Variants in MAP4K4 observed in about 807,000 individuals in gnomAD.
MAP4K4 encodes mitogen-activated protein kinase kinase kinase kinase 4.
MAP4K4 carries 38 observed loss-of-function variants against 189.6 expected under a neutral mutation model. That is an observed-to-expected ratio of 0.20 (90% CI 0.15 to 0.26). The LOEUF (loss-of-function observed/expected upper bound fraction) is 0.26, where lower values mean the gene tolerates loss of function less well. Among genes scored for constraint, MAP4K4 ranks in the 10% least tolerant of loss-of-function variants. The probability of loss-of-function intolerance (pLI) is 1.00; values close to 1 mark genes in which losing one functional copy is unlikely to be tolerated. For missense variants in MAP4K4, 1,054 were observed against 1,726.9 expected (o/e 0.61, Z 6.91); for synonymous variants, 610 against 624.3 (o/e 0.98, Z 0.34).
chr2:101,833,947 C>G (rs1428669493), intron 7 of MAP4K4, among the ~76,000 whole-genome samples: 1 of 152,048 alleles, frequency 6.6e-6, no homozygotes, highest in Non-Finnish European at 1.5e-5. Flanking sequence ...GGTTTCTGGC[C>G]TTTAAACTTT....
exon 6 of MAP4K4, chr2:101,829,525 C>T: frequency 6.2e-7 from 1 of 1,610,112 alleles, no homozygotes; most frequent in Non-Finnish European, 8.5e-7. Flanking sequence ...TCTTCACATT[C>T]ATCATGTGAT....
intron 2 of MAP4K4, among the ~76,000 whole-genome samples, chr2:101,788,792 G>A (rs1407109437): frequency 6.6e-6 from 1 of 152,018 alleles, no homozygotes; most frequent in Non-Finnish European, 1.5e-5. Context: ...CACACTTGTG[G>A]TCTTGAGTTC....
At chr2:101,818,400 C>T (rs1233296118) in intron 3 of MAP4K4, among the ~76,000 whole-genome samples, 5 of 152,122 alleles carry the variant, frequency 3.3e-5, no homozygotes, top group Admixed American at 3.3e-4. Flanking sequence ...CGCCGAGTCT[C>T]CATTTAATTC....
chr2:101,835,224 TCA>T (rs1418439688), intron 8 of MAP4K4, among the ~76,000 whole-genome samples: 2 of 152,194 alleles, frequency 1.3e-5, no homozygotes, highest in East Asian at 1.9e-4. Flanking sequence ...ATCCTTTCTC[TCA>T]GTTTTTGTTC....
At chr2:101,740,988 T>G (rs184124801) in intron 2 of MAP4K4, among the ~76,000 whole-genome samples, 1 of 152,108 alleles carries the variant, frequency 6.6e-6, no homozygotes, top group Non-Finnish European at 1.5e-5. Flanking sequence ...CTACAAATGA[T>G]GAGACTGAGG....
chr2:101,741,352 TA>T (rs1466585186), intron 2 of MAP4K4, among the ~76,000 whole-genome samples: 1 of 151,936 alleles, frequency 6.6e-6, no homozygotes, highest in African/African-American at 2.4e-5. Context: ...GTATTTTTAG[TA>T]GAGACGGGGT....
At position 101,713,731 on chromosome 2, in the gene MAP4K4, C is replaced by G. The variant is rs1055816232; in HGVS notation, c.123+15193C>G. Reference sequence around the variant, plus strand: ...CCAGCATGGCGAAACCCCGTCTCTACTAAAAATACAAAAATTAGATGGGCA... The same window carrying G: ...CCAGCATGGCGAAACCCCGTCTCTAGTAAAAATACAAAAATTAGATGGGCA... On this transcript the variant is annotated intron_variant, in intron 2 of 32. Coordinates refer to ENST00000324219, the Ensembl canonical transcript of MAP4K4. Among the ~76,000 whole-genome samples the G allele has an allele frequency of 2.9e-4, 43 of 149,734 alleles. 1 individual carries two copies. Among genetic ancestry groups the G allele is most frequent in the Non-Finnish European group, 1.0e-4 (7 of 67,686 alleles).
At chr2:101,804,650 C>T (rs2149039073) in intron 3 of MAP4K4, among the ~76,000 whole-genome samples, 1 of 152,196 alleles carries the variant, frequency 6.6e-6, no homozygotes, top group South Asian at 2.1e-4. Flanking sequence ...CCTTAACATA[C>T]CTGTGCTGTA....
At chr2:101,718,627 G>A (rs2049948740) in intron 2 of MAP4K4, among the ~76,000 whole-genome samples, 1 of 148,832 alleles carries the variant, frequency 6.7e-6, no homozygotes, top group African/African-American at 2.5e-5. Flanking sequence ...GTGGTGGGGT[G>A]GATGGGTTAA....
chr2:101,879,244 C>A (rs531259141), intron 27 of MAP4K4, among the ~76,000 whole-genome samples: 28 of 145,892 alleles, frequency 1.9e-4, no homozygotes, highest in African/African-American at 6.8e-4. Flanking sequence ...CAGCTGATAC[C>A]AGTAATCATT....
intron 2 of MAP4K4, among the ~76,000 whole-genome samples, chr2:101,698,851 A>T (rs931027940): frequency 2.0e-5 from 3 of 152,126 alleles, no homozygotes; most frequent in Non-Finnish European, 2.9e-5. Flanking sequence ...TTTTTCCCCA[A>T]ATCCGGCCTT....
intron 3 of MAP4K4, chr2:101,797,210 C>G: frequency 1.6e-6 from 2 of 1,284,748 alleles, no homozygotes; most frequent in Non-Finnish European, 2.0e-6. Flanking sequence ...GGAGAGATCT[C>G]TGTGGCCTGT....
intron 2 of MAP4K4, among the ~76,000 whole-genome samples, chr2:101,781,820 C>T (rs1044131601): frequency 1.3e-5 from 2 of 152,160 alleles, no homozygotes; most frequent in African/African-American, 4.8e-5. Context: ...TAAATTGTCT[C>T]CACTTCTCTA....
intron 3 of MAP4K4, 83 bp downstream of exon 3, chr2:101,790,859 T>G (rs2092760694): frequency 8.4e-7 from 1 of 1,183,514 alleles, no homozygotes; most frequent in South Asian, 1.3e-5. Flanking sequence ...TTACTCTGTT[T>G]GGAAAATCTG....
chr2:101,725,606 T>C (rs2149498474), intron 2 of MAP4K4, among the ~76,000 whole-genome samples: 1 of 152,312 alleles, frequency 6.6e-6, no homozygotes, highest in Admixed American at 6.5e-5. Context: ...TGTGGTACAC[T>C]TGAACTGTGG....
At chr2:101,758,710 A>G (rs1245927646) in intron 2 of MAP4K4, among the ~76,000 whole-genome samples, 2 of 152,210 alleles carry the variant, frequency 1.3e-5, no homozygotes. Context: ...TAAAGAAAGG[A>G]AAGAAAATAT....
intron 2 of MAP4K4, among the ~76,000 whole-genome samples, chr2:101,704,565 ATATTTTTTTTTTT>A (rs1447730118): frequency 1.7e-4 from 7 of 40,354 alleles, no homozygotes; most frequent in South Asian, 1.6e-3. Context: ...ATATATATAT[ATATTTTTTTTTTT>A]TTTTTTTTTT....
intron 12 of MAP4K4, among the ~76,000 whole-genome samples, chr2:101,850,784 G>A (rs2097259620): frequency 6.6e-6 from 1 of 152,106 alleles, no homozygotes; most frequent in Admixed American, 6.5e-5. Flanking sequence ...CTGGCATTTG[G>A]TTATATTTGC....
In MAP4K4 at chr2:101,891,148, C is replaced by CT; in HGVS notation, c.4072-14dup. On this transcript the variant is annotated splice_polypyrimidine_tract_variant and intron_variant, in intron 32 of 32. Coordinates refer to ENST00000324219, the Ensembl canonical transcript of MAP4K4. The stretch of plus-strand genomic sequence containing the variant: ...CATGACCATGGTAACCATTCCCTCT[C>CT]TTTTCTTGCTTTTGCAGGTGTTCTT... The CT allele has an allele frequency of 6.2e-7, 1 of 1,607,866 alleles. No individual in the cohort carries two copies. The highest frequency in any genetic ancestry group is 8.5e-7 in the Non-Finnish European group (1 of 1,174,390).
Sources: allele counts gnomAD v4.1 joint callset (sites outside exome capture counted in the v4.1 genomes callset), GRCh38; gene constraint gnomAD v4.1.1; transcripts MANE v1.5; gene names NCBI Gene and HGNC (gene_info 2026-07-23, HGNC 2026-07-21).